The following PLCG1 variants were observed in gnomAD, a reference collection of about 807,000 sequenced individuals.
PLCG1 encodes the protein phospholipase C gamma 1, also known as 1-phosphatidylinositol 4,5-bisphosphate phosphodiesterase gamma-1.
In PLCG1, 71 loss-of-function variants were observed where a neutral mutation model predicts 177.8. The ratio of observed to expected loss-of-function variants is 0.40; its 90% confidence interval spans 0.33 to 0.49. PLCG1 has a LOEUF of 0.49. Among genes scored for constraint, PLCG1 ranks in the 20% least tolerant of loss-of-function variants. The pLI is 0.72. For missense variants in PLCG1, 1,281 were observed against 1,709.0 expected (o/e 0.75, Z 4.42); for synonymous variants, 658 against 647.9 (o/e 1.02, Z -0.24).
At position 41,175,616 on chromosome 20, in the gene PLCG1, A is replaced by G. The variant is rs1170958583; in HGVS notation, c.*1107A>G. Reference sequence around the variant, plus strand: ...CCTCATAGCATAGCCAGCATTCAGCACACACAAACCTACTGCCCACATTTG... The same window carrying G: ...CCTCATAGCATAGCCAGCATTCAGCGCACACAAACCTACTGCCCACATTTG... On this transcript the variant is annotated 3_prime_UTR_variant, in exon 32 of 32. Transcript: ENST00000685551. The G allele has an allele frequency of 6.6e-6, 1 of 152,666 alleles. No homozygotes were observed. The highest frequency in any genetic ancestry group is 2.4e-5 in the African/African-American group (1 of 41,446). 9.5% of individuals were successfully genotyped at this position (152,666 alleles called of 1,614,324 possible).
chr20:41,169,401 C>T, intron 22 of PLCG1, 56 bp from the exon 23 acceptor site: 3 of 1,331,602 alleles, frequency 2.3e-6, no homozygotes, highest in Non-Finnish European at 3.2e-6. Flanking sequence ...ACGGATATCC[C>T]CTCACACACA....
In PLCG1 at chr20:41,173,563, C is replaced by G; in HGVS notation, c.3394+29C>G. On this transcript the variant is annotated intron_variant, in intron 28 of 31. Transcript: ENST00000685551. This position sits in a 1 kb window ranked among gnomAD's most constrained non-coding sequence, Gnocchi z 6.2. ...AGTCTGTCTTCCCAGTCATCCTCCT[C>G]ATCCTGCTGGGGCACTGCAAGCCTC... 6.2e-7 allele frequency: 1 copy of G among 1,614,024 alleles called. No homozygotes were observed. The highest frequency in any genetic ancestry group is 8.5e-7 in the Non-Finnish European group (1 of 1,179,994).
Position 41,166,068 on chromosome 20 carries a change from TCCTCAGGAGA to T in PLCG1, c.1800-125_1800-116del. 1.4e-6 allele frequency: 1 copy of T among 729,208 alleles called. No individual in the cohort carries two copies. Among genetic ancestry groups the T allele is most frequent in the Non-Finnish European group, 2.1e-6 (1 of 466,980 alleles). 45.2% of individuals were successfully genotyped at this position (729,208 alleles called of 1,614,324 possible). A position where few individuals can be genotyped will look rare whatever the true frequency, so the allele number is the denominator to read the frequency against. ...TTCATGTGACTGCCCACACCTGAGC[TCCTCAGGAGA>T]TTGGCCTCCCTCCTTGAGGCTCCCT... On this transcript the variant is annotated intron_variant, in intron 16 of 31. Transcript: ENST00000685551. The surrounding 1 kb of genome is among the most constrained non-coding windows in gnomAD (Gnocchi z 8.6).
Position 41,160,875 on chromosome 20 carries a change from TTGAC to T in PLCG1, c.512+726_512+729del, listed in dbSNP as rs1206405092. Among the ~76,000 whole-genome samples the T allele has an allele frequency of 2.0e-5, 3 of 152,144 alleles. No homozygotes were observed. The highest frequency in any genetic ancestry group is 4.8e-5 in the African/African-American group (2 of 41,452). On this transcript the variant is annotated intron_variant, in intron 4 of 31. Transcript: ENST00000685551. The surrounding 1 kb of genome is among the most constrained non-coding windows in gnomAD (Gnocchi z 5.5). ...GAGCAACTGGAAAACAGAGTCACCA[TTGAC>T]TGAGATGAGAAGATCATGGGACTAG...
At chr20:41,152,021 TCTG>T (rs1331755814) in intron 1 of PLCG1, among the ~76,000 whole-genome samples, 9 of 152,206 alleles carry the variant, frequency 5.9e-5, no homozygotes, top group African/African-American at 1.9e-4. Flanking sequence ...GATACTCACT[TCTG>T]CTGGAACTTT....
Position 41,167,967 on chromosome 20 carries a change from G to C in PLCG1, c.2379+38G>C. 11 of 1,356,810 alleles carry C rather than the reference G, an allele frequency of 8.1e-6. No homozygotes were observed. The highest frequency in any genetic ancestry group is 1.4e-5 in the African/African-American group (1 of 70,120). 84.0% of individuals were successfully genotyped at this position (1,356,810 alleles called of 1,614,324 possible). A position where few individuals can be genotyped will look rare whatever the true frequency, so the allele number is the denominator to read the frequency against. On this transcript the variant is annotated intron_variant, in intron 20 of 31. Coordinates refer to ENST00000685551, the MANE Select transcript of PLCG1 (RefSeq NM_002660.3). This position sits in a 1 kb window ranked among gnomAD's most constrained non-coding sequence, Gnocchi z 4.4. Reference sequence around the variant, plus strand: ...CCTCTGGGCATAGGAAGCTGGGGAGGGTCCCCAGCTGCTTGGGGCTTCATT... The same window carrying C: ...CCTCTGGGCATAGGAAGCTGGGGAGCGTCCCCAGCTGCTTGGGGCTTCATT...
rs772045929 is a variant in PLCG1 at position 41,162,485 on chromosome 20, C to G, written c.546C>G (p.Ser182=). The G allele has an allele frequency of 1.2e-6, 2 of 1,613,710 alleles. No homozygotes were observed. Among genetic ancestry groups the G allele is most frequent in the African/African-American group, 2.7e-5 (2 of 74,854 alleles). The part of the protein sequence containing the change: ...ISAKDLKNML[S]QVNYRVPNMR... ...CCAAGGACCTGAAGAACATGCTGTC[C>G]CAGGTCAACTACCGGGTCCCCAACA... Residue 182 remains serine (S), a synonymous_variant, in exon 5 of 32, where the codon TCC becomes TCG. Coordinates refer to ENST00000685551, the MANE Select transcript of PLCG1 (RefSeq NM_002660.3).
rs748148199 is a variant in PLCG1 at position 41,167,913 on chromosome 20, C to G, written c.2363C>G (p.Pro788Arg). The change falls in exon 20 of 32, where the codon CCT (proline) becomes CGT (arginine). Residue 788 changes from proline to arginine, a missense_variant. Physicochemically the swap from Pro to Arg is moderately radical, Grantham distance 103. Coordinates refer to ENST00000685551, the MANE Select transcript of PLCG1 (RefSeq NM_002660.3). This position sits in a 1 kb window ranked among gnomAD's most constrained non-coding sequence, Gnocchi z 4.4. ...CCTGGCTTCTATGTAGAGGCAAACC[C>G]TATGCCAACTTTCAAGGTACAGCTC... ...RNPGFYVEAN[P>R]MPTFKCAVKA... 1 of 1,613,156 alleles carries G rather than the reference C, an allele frequency of 6.2e-7. No homozygotes were observed. Among genetic ancestry groups the G allele is most frequent in the South Asian group, 1.1e-5 (1 of 91,042 alleles).
rs2035730678 is a variant in PLCG1, at chr20:41,167,275, G to C, written c.2301+416G>C. Among the ~76,000 whole-genome samples the C allele has an allele frequency of 6.6e-6, 1 of 152,186 alleles. No homozygotes were observed. The highest frequency in any genetic ancestry group is 1.5e-5 in the Non-Finnish European group (1 of 68,030). Reference sequence around the variant, plus strand: ...TGGAGGGCAGAGCCACAGGAGGTGAGACCAGTGAGGGAAAAAGTCAGGACC... The same window carrying C: ...TGGAGGGCAGAGCCACAGGAGGTGACACCAGTGAGGGAAAAAGTCAGGACC... On this transcript the variant is annotated intron_variant, in intron 19 of 31. Transcript: ENST00000685551. The surrounding 1 kb of genome is among the most constrained non-coding windows in gnomAD (Gnocchi z 4.4).
chr20:41,151,252 A>G lies in PLCG1; in HGVS notation c.218-8354A>G, dbSNP rs919795911. Reference sequence around the variant, plus strand: ...TCTCTGTATACCCAGTGTCAGGGATAGCAGCTGCTGTGGGGACACTGCAGA... The same window carrying G: ...TCTCTGTATACCCAGTGTCAGGGATGGCAGCTGCTGTGGGGACACTGCAGA... On this transcript the variant is annotated intron_variant, in intron 1 of 31. Transcript: ENST00000685551. The surrounding 1 kb of genome is among the most constrained non-coding windows in gnomAD (Gnocchi z 5.5). Among the ~76,000 whole-genome samples the G allele has an allele frequency of 4.6e-5, 7 of 152,166 alleles. No homozygotes were observed. Among genetic ancestry groups the G allele is most frequent in the Admixed American group, 1.3e-4 (2 of 15,282 alleles).
Position 41,163,951 on chromosome 20 carries a change from G to T in PLCG1, c.1041G>T (p.Glu347Asp). 6.2e-7 allele frequency: 1 copy of T among 1,614,170 alleles called. No homozygotes were observed. Among genetic ancestry groups the T allele is most frequent in the Non-Finnish European group, 8.5e-7 (1 of 1,180,034 alleles). ...TGACCGGGGACCAGTTCTCCAGTGA[G>T]TCCTCCTTGGAAGCCTATGCTCGCT... Reference protein sequence around the residue: ...TYLTGDQFSSESSLEAYARCL... With the variant: ...TYLTGDQFSSDSSLEAYARCL... Residue 347 changes from glutamate to aspartate, a missense_variant, in exon 11 of 32, where the codon GAG becomes GAT. Physicochemically the swap from Glu to Asp is conservative, Grantham distance 45. Coordinates refer to ENST00000685551, the MANE Select transcript of PLCG1 (RefSeq NM_002660.3). This position sits in a 1 kb window ranked among gnomAD's most constrained non-coding sequence, Gnocchi z 5.2.
chr20:41,160,337 G>A lies in PLCG1; in HGVS notation c.512+184G>A, dbSNP rs2035456022. ...CACAAAGTCCTCTGGTGGCCTTGGT[G>A]TGAGCTGGTGAGAGGAGCCAGCCAC... On this transcript the variant is annotated intron_variant, in intron 4 of 31. Transcript: ENST00000685551. This position sits in a 1 kb window ranked among gnomAD's most constrained non-coding sequence, Gnocchi z 5.5. 6.6e-6 allele frequency among the ~76,000 whole-genome samples: 1 copy of A among 152,192 alleles called. No individual in the cohort carries two copies. Among genetic ancestry groups the A allele is most frequent in the Non-Finnish European group, 1.5e-5 (1 of 68,028 alleles).
intron 1 of PLCG1, among the ~76,000 whole-genome samples, chr20:41,142,182 G>A (rs2034851658): frequency 2.6e-5 from 4 of 152,206 alleles, no homozygotes; most frequent in Admixed American, 2.0e-4. Context: ...TGCCAGGAAG[G>A]CATTAAAGGA....
At position 41,160,016 on chromosome 20, in the gene PLCG1, A is replaced by G; in HGVS notation, c.464+53A>G. Reference sequence around the variant, plus strand: ...GCTGGGAGCATTAGGGACCAGGGGGACAGGGACAGCAGACCTTTGTGTGCC... The same window carrying G: ...GCTGGGAGCATTAGGGACCAGGGGGGCAGGGACAGCAGACCTTTGTGTGCC... On this transcript the variant is annotated intron_variant, in intron 3 of 31. Transcript: ENST00000685551. The surrounding 1 kb of genome is among the most constrained non-coding windows in gnomAD (Gnocchi z 5.5). The G allele has an allele frequency of 6.3e-7, 1 of 1,594,710 alleles. No individual in the cohort carries two copies. The highest frequency in any genetic ancestry group is 8.6e-7 in the Non-Finnish European group (1 of 1,162,420).
intron 20 of PLCG1, among the ~76,000 whole-genome samples, chr20:41,168,227 C>T (rs551914185): frequency 1.3e-5 from 2 of 152,346 alleles, no homozygotes; most frequent in Non-Finnish European, 2.9e-5. Flanking sequence ...ACACTGGCCA[C>T]TCATTCCCCG....
rs562585440 is a variant in PLCG1, at chr20:41,160,617, T to C, written c.512+464T>C. Among the ~76,000 whole-genome samples, 113 of 152,308 alleles carry C rather than the reference T, an allele frequency of 7.4e-4. No individual in the cohort carries two copies. Among genetic ancestry groups the C allele is most frequent in the African/African-American group, 2.7e-3 (111 of 41,568 alleles). On this transcript the variant is annotated intron_variant, in intron 4 of 31. Transcript: ENST00000685551. The surrounding 1 kb of genome is among the most constrained non-coding windows in gnomAD (Gnocchi z 5.5). The stretch of plus-strand genomic sequence containing the variant: ...AAGGGTTCTGAGGAGAGGAGTGATG[T>C]GACCTGACTTGGGTTACTCAAGATC...
At chr20:41,145,573 T>G (rs1183329946) in intron 1 of PLCG1, among the ~76,000 whole-genome samples, 1 of 152,122 alleles carries the variant, frequency 6.6e-6, no homozygotes, top group African/African-American at 2.4e-5. Context: ...GCCCAGAGTT[T>G]GAGTTTCTCG....
At position 41,171,166 on chromosome 20, in the gene PLCG1, G is replaced by A. The variant is rs760764; in HGVS notation, c.2808+897G>A. Among the ~76,000 whole-genome samples, 459 of 152,306 alleles carry A rather than the reference G, an allele frequency of 3.0e-3. 11 individuals carry two copies. The highest frequency in any genetic ancestry group is 0.026 in the Admixed American group (398 of 15,290). ...TGTAGCTGCTTTGGAGAGGGCACCCGCAAGCCAAATAGAGAAGGGATAGGG... is the reference window on the plus strand; with the variant it reads ...TGTAGCTGCTTTGGAGAGGGCACCCACAAGCCAAATAGAGAAGGGATAGGG... On this transcript the variant is annotated intron_variant, in intron 24 of 31. Transcript: ENST00000685551.
chr20:41,139,756 G>T (rs1408518247), intron 1 of PLCG1, among the ~76,000 whole-genome samples: 2 of 152,144 alleles, frequency 1.3e-5, no homozygotes, highest in Non-Finnish European at 2.9e-5. Flanking sequence ...ACTGGGAATG[G>T]TGAGGGGGTG....
Sources: gnomAD v4.1 joint callset for allele counts (sites outside exome capture counted in the v4.1 genomes callset) on GRCh38, gnomAD v4.1.1 for gene constraint, Gnocchi (gnomAD v3.1) non-coding constraint, MANE v1.5 for transcripts, NCBI Gene and HGNC (gene_info 2026-07-23, HGNC 2026-07-21) for gene names.